MTUS2: variants seen among roughly 807,000 people sequenced by gnomAD.
The protein encoded by MTUS2 is microtubule associated scaffold protein 2, also known as microtubule-associated tumor suppressor candidate 2.
Under a neutral mutation model 114.1 loss-of-function variants are expected in MTUS2, and 40 were observed. The observed-to-expected ratio is 0.35, with a 90% CI of 0.27 to 0.46. The LOEUF (loss-of-function observed/expected upper bound fraction) is 0.46, where lower values mean the gene tolerates loss of function less well. MTUS2 is among the 20% of genes least tolerant of loss of function. The probability of loss-of-function intolerance (pLI) is 1.00; values close to 1 mark genes in which losing one functional copy is unlikely to be tolerated. For missense variants in MTUS2, 1,679 were observed against 1,705.4 expected, an observed-to-expected ratio of 0.98 and a Z score of 0.27; for synonymous variants, 688 against 672.0, an observed-to-expected ratio of 1.02 and a Z score of -0.37.
At chr13:29,286,606 G>T (rs1898490653) in intron 6 of MTUS2, among the ~76,000 whole-genome samples, 1 of 151,908 alleles carries the variant, frequency 6.6e-6, no homozygotes, top group African/African-American at 2.4e-5. Flanking sequence ...TTTTCCAAGT[G>T]TTTCTGCTAC....
chr13:28,941,441 T>G (rs1882230049), intron 2 of MTUS2, among the ~76,000 whole-genome samples: 1 of 152,154 alleles, frequency 6.6e-6, no homozygotes, highest in Admixed American at 6.5e-5. Flanking sequence ...GACATGCTTA[T>G]GTTAATTTCT....
At chr13:29,233,934 A>C (rs112320914) in intron 5 of MTUS2, among the ~76,000 whole-genome samples, 6 of 152,320 alleles carry the variant, frequency 3.9e-5, no homozygotes, top group South Asian at 2.1e-4. Flanking sequence ...GAAGTAACAG[A>C]CAATTATTTT....
At chr13:28,878,721 C>A (rs908392136) in intron 2 of MTUS2, among the ~76,000 whole-genome samples, 1 of 152,166 alleles carries the variant, frequency 6.6e-6, no homozygotes, top group Non-Finnish European at 1.5e-5. Context: ...TTTCTTTATC[C>A]AGTCTATCAT....
At chr13:29,493,680 G>A (rs1270832291) in intron 12 of MTUS2, among the ~76,000 whole-genome samples, 1 of 152,170 alleles carries the variant, frequency 6.6e-6, no homozygotes, top group African/African-American at 2.4e-5. Flanking sequence ...CAGTGCTTGT[G>A]TGGTTTGCCG....
chr13:29,193,163 G>A (rs940173646), intron 5 of MTUS2, among the ~76,000 whole-genome samples: 3 of 152,136 alleles, frequency 2.0e-5, no homozygotes, highest in Non-Finnish European at 2.9e-5. Flanking sequence ...TCACTACACA[G>A]TGCAGGAGCT....
chr13:29,006,047 TTC>T (rs1885587016), intron 2 of MTUS2, among the ~76,000 whole-genome samples: 1 of 152,228 alleles, frequency 6.6e-6, no homozygotes, highest in Admixed American at 6.5e-5. Context: ...GGGATTTGGT[TTC>T]TAGAACAGAG....
rs1320437207 is a variant in MTUS2, at chr13:29,143,524, C to T, written c.2644+42554C>T. On this transcript the variant is annotated intron_variant, in intron 5 of 15. Transcript: ENST00000612955. ...AATTGGTGTAAAGTACTTTGATCAT[C>T]CAAAAGTATGAATATGATTATTATT... Among the ~76,000 whole-genome samples the T allele has an allele frequency of 2.0e-5, 3 of 152,198 alleles. No individual in the cohort carries two copies. In the East Asian group the frequency reaches 5.8e-4, roughly 29 times the overall value.
In MTUS2 at chr13:29,081,755, G is replaced by C. The variant is rs968256519; in HGVS notation, c.2447-19018G>C. 4.0e-4 allele frequency among the ~76,000 whole-genome samples: 36 copies of C among 90,530 alleles called. No individual in the cohort carries two copies. The Admixed American group carries it at 4.5e-3, about 11-fold the overall frequency. 59.4% of individuals were successfully genotyped at this position (90,530 alleles called of 152,430 possible). A position where few individuals can be genotyped will look rare whatever the true frequency, so the allele number is the denominator to read the frequency against. On this transcript the variant is annotated intron_variant, in intron 4 of 15. Coordinates refer to ENST00000612955, the MANE Select transcript of MTUS2 (RefSeq NM_001033602.4). ...ATCTGTAGGGCGAGAGATTACCAGA[G>C]GTTTGGTTATTTTTGTTTTGTTTTG...
At chr13:29,323,236 G>T (rs1296651053) in intron 6 of MTUS2, among the ~76,000 whole-genome samples, 1 of 150,962 alleles carries the variant, frequency 6.6e-6, no homozygotes, top group Non-Finnish European at 1.5e-5. Flanking sequence ...GTATGTCTTT[G>T]TCCATTTGTA....
chr13:29,499,308 C>T (rs758360305), intron 14 of MTUS2, among the ~76,000 whole-genome samples: 55 of 152,288 alleles, frequency 3.6e-4, no homozygotes, highest in Non-Finnish European at 5.9e-4. Flanking sequence ...GGCACAAGCC[C>T]CCAGCCAGGG....
intron 5 of MTUS2, among the ~76,000 whole-genome samples, chr13:29,228,056 A>AT (rs1896180193): frequency 6.6e-6 from 1 of 152,128 alleles, no homozygotes; most frequent in Non-Finnish European, 1.5e-5. Context: ...TTCACCCAGC[A>AT]ATCTTACTCC....
chr13:29,017,593 A>G (rs1040531354), intron 2 of MTUS2, among the ~76,000 whole-genome samples: 4 of 152,168 alleles, frequency 2.6e-5, no homozygotes, highest in Admixed American at 2.0e-4. Context: ...ATCAGAATAT[A>G]CTTTTCTATC....
chr13:29,214,888 T>C (rs905412715), intron 5 of MTUS2, among the ~76,000 whole-genome samples: 3 of 152,182 alleles, frequency 2.0e-5, no homozygotes, highest in South Asian at 2.1e-4. Context: ...CTGTATTTCC[T>C]GAATTTGAAT....
chr13:29,274,238 C>T (rs1487148611), intron 5 of MTUS2, among the ~76,000 whole-genome samples: 2 of 152,040 alleles, frequency 1.3e-5, no homozygotes, highest in African/African-American at 4.8e-5. Flanking sequence ...CTCAGCCTCC[C>T]GAGTAGCTGA....
At chr13:29,424,971 T>G (rs897453904) in intron 8 of MTUS2, among the ~76,000 whole-genome samples, 3 of 152,112 alleles carry the variant, frequency 2.0e-5, no homozygotes, top group African/African-American at 7.2e-5. Flanking sequence ...CCAGCAAAAT[T>G]TTTTTATGAG....
intron 5 of MTUS2, among the ~76,000 whole-genome samples, chr13:29,145,412 G>A (rs572443043): frequency 5.3e-5 from 8 of 152,158 alleles, no homozygotes; most frequent in African/African-American, 1.4e-4. Flanking sequence ...CTCAGCTACC[G>A]GGCAGGTTGA....
At chr13:29,433,683 G>A (rs1877182049) in intron 8 of MTUS2, among the ~76,000 whole-genome samples, 1 of 152,162 alleles carries the variant, frequency 6.6e-6, no homozygotes. Context: ...CTTGTATTTT[G>A]TTGCTGTTTC....
At chr13:28,840,483 T>G (rs1875399376) in intron 2 of MTUS2, among the ~76,000 whole-genome samples, 1 of 152,232 alleles carries the variant, frequency 6.6e-6, no homozygotes, top group South Asian at 2.1e-4. Context: ...GGGAAATTAT[T>G]CAGCTATACT....
chr13:29,097,808 G>A (rs917989594), intron 4 of MTUS2, among the ~76,000 whole-genome samples: 2 of 152,066 alleles, frequency 1.3e-5, no homozygotes, highest in Admixed American at 6.5e-5. Context: ...ACCTCCTAAA[G>A]GTCCCACCTC....
Sources: allele counts gnomAD v4.1 joint callset (sites outside exome capture counted in the v4.1 genomes callset), GRCh38; gene constraint gnomAD v4.1.1; transcripts MANE v1.5; gene names NCBI Gene and HGNC (gene_info 2026-07-23, HGNC 2026-07-21).